Variants in PIGA observed in about 807,000 individuals in gnomAD.
The protein encoded by PIGA is phosphatidylinositol N-acetylglucosaminyltransferase subunit A.
PIGA carries 3 observed loss-of-function variants against 17.1 expected under a neutral mutation model. That is an observed-to-expected ratio of 0.18 (90% CI 0.08 to 0.45). The LOEUF (loss-of-function observed/expected upper bound fraction) is 0.45. Ranked by LOEUF, PIGA falls within the 20% of genes least tolerant of loss-of-function variation. The pLI is 0.99. For missense variants in PIGA, 231 were observed against 374.1 expected (o/e 0.62, Z 3.16); for synonymous variants, 126 against 135.1 (o/e 0.93, Z 0.47).
At chrX:15,332,237 A>T (rs1350540380) in intron 1 of PIGA, among the ~76,000 whole-genome samples, 1 of 112,454 alleles carries the variant, frequency 8.9e-6, no homozygotes, top group African/African-American at 3.2e-5. Context: ...TTAAATAGTA[A>T]GTTTGTTACA....
chrX:15,325,558 T>C (rs147126062), intron 3 of PIGA: 2 of 151,606 alleles, frequency 1.3e-5, no homozygotes, highest in Non-Finnish European at 2.5e-5. Flanking sequence ...TCCAAATCTG[T>C]ATGTGCAGAG....
intron 1 of PIGA, among the ~76,000 whole-genome samples, chrX:15,333,673 TC>T (rs1245605595): frequency 9.0e-6 from 1 of 111,250 alleles, no homozygotes. Context: ...ACAGCGAGAC[TC>T]CATCTCAAAA....
intron 5 of PIGA, among the ~76,000 whole-genome samples, chrX:15,323,116 T>C (rs1032883743): frequency 7.1e-5 from 8 of 112,103 alleles, no homozygotes; most frequent in African/African-American, 2.6e-4. Context: ...GTACTATTAC[T>C]TTAACCAAAA....
At chrX:15,327,591 T>C (rs1922023765) in intron 2 of PIGA, 1 of 112,182 alleles carries the variant, frequency 8.9e-6, no homozygotes, top group Non-Finnish European at 1.9e-5. Flanking sequence ...ATCATAGCTA[T>C]CTTTGTTTCA....
At chrX:15,328,430 G>C (rs1343063580) in intron 2 of PIGA, 2 of 112,125 alleles carry the variant, frequency 1.8e-5, no homozygotes, top group Non-Finnish European at 3.8e-5. Context: ...TGGAAGAGGA[G>C]GCTCAGGAAA....
intron 2 of PIGA, among the ~76,000 whole-genome samples, chrX:15,327,414 A>G (rs1339951242): frequency 1.8e-5 from 2 of 112,141 alleles, no homozygotes; most frequent in East Asian, 2.8e-4. Context: ...ATGATATTTT[A>G]TATCAGATAT....
chrX:15,330,249 G>A (rs1389831379), intron 2 of PIGA, among the ~76,000 whole-genome samples: 2 of 111,625 alleles, frequency 1.8e-5, no homozygotes, highest in East Asian at 5.6e-4. Flanking sequence ...ACTTGTCCTC[G>A]ATCACACAGC....
At chrX:15,332,860 G>T (rs773464766) in intron 1 of PIGA, among the ~76,000 whole-genome samples, 48 of 111,978 alleles carry the variant, frequency 4.3e-4, no homozygotes, top group Non-Finnish European at 6.8e-4. Flanking sequence ...CAGCCATCCA[G>T]CCAACTTACC....
chrX:15,334,874 A>G (rs1215738731), intron 1 of PIGA, among the ~76,000 whole-genome samples: 2 of 112,006 alleles, frequency 1.8e-5, no homozygotes, highest in African/African-American at 3.3e-5. Flanking sequence ...GCTCTAGTGA[A>G]TACCTCTCTC....
intron 2 of PIGA, among the ~76,000 whole-genome samples, chrX:15,329,755 A>T (rs1325366128): frequency 9.0e-6 from 1 of 111,413 alleles, no homozygotes; most frequent in East Asian, 2.8e-4. Context: ...CACACATTCA[A>T]CTGCAGTGTC....
chrX:15,324,984 G>A (rs1259667820), intron 4 of PIGA, 36 bp downstream of exon 4: 2 of 1,178,697 alleles, frequency 1.7e-6, no homozygotes, highest in Non-Finnish European at 2.3e-6. Context: ...AAAATACACA[G>A]AAATCCCAAC....
chrX:15,325,612 T>C, intron 3 of PIGA: 1 of 188,098 alleles, frequency 5.3e-6, no homozygotes, highest in Non-Finnish European at 9.7e-6. Context: ...CACTACACAG[T>C]ATGGCCTGGA....
chrX:15,326,652 T>G lies in PIGA; in HGVS notation c.716-606A>C, dbSNP rs1921980342. Among the ~76,000 whole-genome samples the G allele has an allele frequency of 2.7e-5, 3 of 112,080 alleles. No individual in the cohort carries two copies. In the Admixed American group the frequency reaches 2.8e-4, roughly 11 times the overall value. On this transcript the variant is annotated intron_variant, in intron 2 of 5. Coordinates refer to ENST00000333590, the MANE Select transcript of PIGA (RefSeq NM_002641.4). ...GTACAGAGAATTTTGCAGTGAACAC[T>G]ACATTATCGCAAAATTTAAGTTCAA...
chrX:15,332,511 A>C (rs889439947), intron 1 of PIGA, among the ~76,000 whole-genome samples: 3 of 112,441 alleles, frequency 2.7e-5, no homozygotes, highest in Admixed American at 9.4e-5. Flanking sequence ...GGGGTTAAGA[A>C]ATTTGTTCAG....
At chrX:15,334,152 T>A (rs1451006744) in intron 1 of PIGA, among the ~76,000 whole-genome samples, 1 of 109,388 alleles carries the variant, frequency 9.1e-6, no homozygotes, top group Non-Finnish European at 1.9e-5. Context: ...GTGCAAAGGC[T>A]TAACTGTCTA....
At position 15,321,432 on chromosome X, in the gene PIGA, A is replaced by G; in HGVS notation, c.*74T>C. Reference sequence around the variant, plus strand: ...AACTCTAAAAAAACAAAAACCCCCCAAAAGCAAGGTTATTTTCCATAGTCT... The same window carrying G: ...AACTCTAAAAAAACAAAAACCCCCCGAAAGCAAGGTTATTTTCCATAGTCT... On this transcript the variant is annotated 3_prime_UTR_variant, in exon 6 of 6. Coordinates refer to ENST00000333590, the MANE Select transcript of PIGA (RefSeq NM_002641.4). 1 of 979,525 alleles carries G rather than the reference A, an allele frequency of 1.0e-6. No individual in the cohort carries two copies. The highest frequency in any genetic ancestry group is 1.4e-6 in the Non-Finnish European group (1 of 712,159). 80.7% of individuals were successfully genotyped at this position (979,525 alleles called of 1,213,427 possible).
chrX:15,335,460 G>T (rs761102163), intron 1 of PIGA, 41 bp downstream of exon 1: 1 of 988,155 alleles, frequency 1.0e-6, no homozygotes, highest in Non-Finnish European at 1.3e-6. Flanking sequence ...ATCCGAAAGC[G>T]GCCCAGAGCG....
chrX:15,324,039 TCCTA>T (rs767388361), intron 5 of PIGA, among the ~76,000 whole-genome samples: 1 of 112,436 alleles, frequency 8.9e-6, no homozygotes, highest in East Asian at 2.8e-4. Flanking sequence ...AACTGTAATC[TCCTA>T]CCTAAGGGTG....
rs201637489 is a variant in PIGA at position 15,331,897 on chromosome X, G to A, written c.34C>T (p.Arg12Cys). ...ACRGGAGNGHRASATLSRVSP... is the reference protein window; with the variant it reads ...ACRGGAGNGHCASATLSRVSP... ...ACCCGAGAGAGTGTAGCTGAGGCAC[G>A]GTGGCCATTCCCAGCTCCTCCTCTA... is the stretch of plus-strand genomic sequence containing the variant. Residue 12 changes from arginine (R) to cysteine (C), a missense_variant, in exon 2 of 6, where the codon CGT becomes TGT. Physicochemically the swap from Arg to Cys is radical, Grantham distance 180. This residue lies in a region of PIGA where 29 missense variants were observed against 28.1 expected (regional missense o/e 1.03). Transcript: ENST00000333590. The A allele has an allele frequency of 2.7e-5, 32 of 1,205,601 alleles. No individual in the cohort carries two copies. The highest frequency in any genetic ancestry group is 3.4e-5 in the Non-Finnish European group (30 of 892,119).
Sources: gnomAD v4.1 joint callset for allele counts (sites outside exome capture counted in the v4.1 genomes callset) on GRCh38, gnomAD v4.1.1 for gene constraint, gnomAD v4.1.1 regional missense constraint, MANE v1.5 for transcripts, NCBI Gene and HGNC (gene_info 2026-07-23, HGNC 2026-07-21) for gene names.